Variants in FLNB observed in about 807,000 individuals in gnomAD.
FLNB encodes the protein filamin B.
Under a neutral mutation model 250.6 loss-of-function variants are expected in FLNB, and 111 were observed. The observed-to-expected ratio is 0.44, with a 90% CI of 0.38 to 0.52. FLNB has a LOEUF of 0.52. Among genes scored for constraint, FLNB ranks in the 20% least tolerant of loss-of-function variants. FLNB has a pLI of 0.00. For missense variants in FLNB, 2,869 were observed against 3,447.8 expected (o/e 0.83, Z 4.20); for synonymous variants, 1,302 against 1,372.1 (o/e 0.95, Z 1.13).
chr3:58,135,027 A>C lies in FLNB; in HGVS notation c.4671+255A>C, dbSNP rs1394977600. On this transcript the variant is annotated intron_variant, in intron 27 of 45. Transcript: ENST00000295956. ...CATCTATTCCTATGTTTTTATTTTT[A>C]TTTTTTTTAAAGATGGGGTTTCACC... Among the ~76,000 whole-genome samples, 2 of 151,582 alleles carry C rather than the reference A, an allele frequency of 1.3e-5. 1 individual carries two copies. The highest frequency in any genetic ancestry group is 1.3e-4 in the Admixed American group (2 of 15,238).
At chr3:58,117,748 A>T (rs1309305370) in intron 18 of FLNB, among the ~76,000 whole-genome samples, 1 of 152,054 alleles carries the variant, frequency 6.6e-6, no homozygotes, top group Non-Finnish European at 1.5e-5. Context: ...TGCAGTGCTT[A>T]AAAATGCTGG....
intron 4 of FLNB, among the ~76,000 whole-genome samples, chr3:58,088,898 A>T (rs1362403513): frequency 6.6e-6 from 1 of 152,022 alleles, no homozygotes; most frequent in Non-Finnish European, 1.5e-5. Context: ...TCCAGCCAGA[A>T]CTCCCACCTT....
intron 2 of FLNB, 120 bp from the exon 3 acceptor site, chr3:58,078,597 A>G: frequency 6.6e-7 from 1 of 1,522,126 alleles, no homozygotes; most frequent in Non-Finnish European, 8.9e-7. Context: ...ATTTGCTCAG[A>G]TTTTAGGAAA....
In FLNB at chr3:58,110,038, T is replaced by C. The variant is rs748433405; in HGVS notation, c.2352T>C (p.Asp784=). Residue 784 remains aspartate (D), a synonymous_variant, in exon 16 of 46, where the codon GAT becomes GAC. Transcript: ENST00000295956. ...EGDVSVGIKC[D]ARVLSEDEED... ...ATGTCAGTGTTGGCATTAAGTGTGA[T>C]GCCCGGGTGTTAAGTGAAGATGAGG... 6.2e-7 allele frequency: 1 copy of C among 1,614,186 alleles called. No individual in the cohort carries two copies. The highest frequency in any genetic ancestry group is 8.5e-7 in the Non-Finnish European group (1 of 1,180,030).
chr3:58,042,613 T>C (rs566548370), intron 1 of FLNB, among the ~76,000 whole-genome samples: 240 of 152,106 alleles, frequency 1.6e-3, no homozygotes, highest in African/African-American at 5.5e-3. Flanking sequence ...CTCCCAGGCT[T>C]AAGGGATTCT....
chr3:58,134,886 T>C, intron 27 of FLNB, 114 bp downstream of exon 27: 1 of 999,164 alleles, frequency 1.0e-6, no homozygotes, highest in Non-Finnish European at 1.5e-6. Flanking sequence ...AGTTGTTTGT[T>C]AGATTTTCCC....
chr3:58,141,464 A>G (rs2097326866), intron 29 of FLNB, among the ~76,000 whole-genome samples: 1 of 152,114 alleles, frequency 6.6e-6, no homozygotes, highest in African/African-American at 2.4e-5. Context: ...ATATTGATTC[A>G]TTGGACCTGA....
At chr3:58,114,432 G>A (rs1038380606) in intron 18 of FLNB, among the ~76,000 whole-genome samples, 6 of 152,184 alleles carry the variant, frequency 3.9e-5, no homozygotes, top group South Asian at 2.1e-4. Context: ...CACCGCGCCC[G>A]GCCATCTTCA....
intron 29 of FLNB, among the ~76,000 whole-genome samples, chr3:58,140,112 A>G (rs1220059706): frequency 1.3e-5 from 2 of 152,352 alleles, no homozygotes; most frequent in East Asian, 3.9e-4. Context: ...AACCTTAACT[A>G]GATGGACTGA....
At position 58,102,375 on chromosome 3, in the gene FLNB, G is replaced by A. The variant is rs74824935; in HGVS notation, c.1483+35G>A. On this transcript the variant is annotated intron_variant, in intron 9 of 45. Transcript: ENST00000295956. ...CCTTTGTTTCTCTATCTCAGGTGTGGTTTTGGCTAACTTTGCAGCCATGGC... is the reference window on the plus strand; with the variant it reads ...CCTTTGTTTCTCTATCTCAGGTGTGATTTTGGCTAACTTTGCAGCCATGGC... 18,703 of 1,613,142 alleles carry A rather than the reference G, an allele frequency of 0.012. 137 individuals carry two copies. The highest frequency in any genetic ancestry group is 0.02 in the Admixed American group (1,178 of 60,022).
Position 58,121,522 on chromosome 3 carries a change from C to T in FLNB, c.3126+19C>T, listed in dbSNP as rs1417724270. The T allele has an allele frequency of 3.1e-6, 5 of 1,613,396 alleles. No homozygotes were observed. The highest frequency in any genetic ancestry group is 3.4e-6 in the Non-Finnish European group (4 of 1,179,954). The stretch of plus-strand genomic sequence containing the variant: ...CAGCAAGGTCAGCCTTTGCTTTTGT[C>T]CCAGAACTTGTCTCATTGCTGTCAA... On this transcript the variant is annotated intron_variant, in intron 20 of 45. Transcript: ENST00000295956.
At position 58,146,920 on chromosome 3, in the gene FLNB, A is replaced by G; in HGVS notation, c.5655A>G (p.Pro1885=). The G allele has an allele frequency of 6.2e-7, 1 of 1,614,234 alleles. No homozygotes were observed. Residue 1885 remains proline (P), a synonymous_variant, in exon 34 of 46, where the codon CCA becomes CCG. Coordinates refer to ENST00000295956, the MANE Select transcript of FLNB (RefSeq NM_001457.4). The part of the protein sequence containing the change: ...TCTVTYLPTL[P]GDYSILVKYN... ...CAGTGACCTACCTGCCGACTCTGCC[A>G]GGCGACTACAGCATTCTGGTCAAGT...
chr3:58,080,599 A>G (rs541363184), intron 3 of FLNB, among the ~76,000 whole-genome samples: 3 of 149,924 alleles, frequency 2.0e-5, no homozygotes, highest in African/African-American at 7.4e-5. Flanking sequence ...GGTACAAGCG[A>G]TTCTCCTGTC....
At position 58,170,662 on chromosome 3, in the gene FLNB, A is replaced by C. The variant is rs377163032; in HGVS notation, c.7709A>C (p.Asn2570Thr). 2 of 1,614,068 alleles carry C rather than the reference A, an allele frequency of 1.2e-6. No individual in the cohort carries two copies. Among genetic ancestry groups the C allele is most frequent in the Admixed American group, 3.3e-5 (2 of 60,006 alleles). The change falls in exon 46 of 46, where the codon AAC becomes ACC. Residue 2570 changes from asparagine (N) to threonine (T), a missense_variant. Coordinates refer to ENST00000295956, the MANE Select transcript of FLNB (RefSeq NM_001457.4). ...SMKHVGNQQY[N>T]VTYVVKERGD... The stretch of plus-strand genomic sequence containing the variant: ...AAGCATGTAGGCAACCAGCAATACA[A>C]CGTCACATACGTCGTCAAGGAGAGG...
At position 58,169,832 on chromosome 3, in the gene FLNB, G is replaced by T; in HGVS notation, c.7621+39G>T. On this transcript the variant is annotated intron_variant, in intron 45 of 45. Coordinates refer to ENST00000295956, the MANE Select transcript of FLNB (RefSeq NM_001457.4). The surrounding 1 kb of genome is among the most constrained non-coding windows in gnomAD (Gnocchi z 4.8). ...CCTTTTCAAGGGTGGGGTGGGGCAG[G>T]GGCAGGCTGGGCACCCTGGGTACAC... 1.3e-6 allele frequency: 2 copies of T among 1,491,510 alleles called. No individual in the cohort carries two copies. Among genetic ancestry groups the T allele is most frequent in the Non-Finnish European group, 1.9e-6 (2 of 1,074,394 alleles). 92.4% of individuals were successfully genotyped at this position (1,491,510 alleles called of 1,614,324 possible). A position where few individuals can be genotyped will look rare whatever the true frequency, so the allele number is the denominator to read the frequency against.
intron 11 of FLNB, among the ~76,000 whole-genome samples, chr3:58,106,352 C>CTATATATA (rs10540627): frequency 0.034 from 4,505 of 132,870 alleles, 161 homozygotes; most frequent in Non-Finnish European, 0.045. Flanking sequence ...GTATTTAATA[C>CTATATATA]TATATATATA....
intron 38 of FLNB, among the ~76,000 whole-genome samples, chr3:58,151,653 C>T (rs575732595): frequency 6.6e-6 from 1 of 152,194 alleles, no homozygotes; most frequent in Non-Finnish European, 1.5e-5. Context: ...TTTCATGACC[C>T]TGATAAAATG....
intron 4 of FLNB, among the ~76,000 whole-genome samples, chr3:58,084,398 C>T (rs1000110892): frequency 4.6e-5 from 7 of 152,180 alleles, no homozygotes; most frequent in South Asian, 2.1e-4. Flanking sequence ...ACTGGCCATC[C>T]GGCTTCCCTG....
At chr3:58,024,039 GA>G (rs2097118899) in intron 1 of FLNB, among the ~76,000 whole-genome samples, 1 of 152,192 alleles carries the variant, frequency 6.6e-6, no homozygotes, top group African/African-American at 2.4e-5. Flanking sequence ...TGAGAAGTCT[GA>G]AAATTATATG....
Sources: gnomAD v4.1 joint callset for allele counts (sites outside exome capture counted in the v4.1 genomes callset) on GRCh38, gnomAD v4.1.1 for gene constraint, Gnocchi (gnomAD v3.1) non-coding constraint, MANE v1.5 for transcripts, NCBI Gene and HGNC (gene_info 2026-07-23, HGNC 2026-07-21) for gene names.